The following NT5DC3 variants were observed in gnomAD, a reference collection of about 807,000 sequenced individuals.
NT5DC3 encodes the protein 5'-nucleotidase domain-containing protein 3.
A neutral mutation model predicts 67.8 loss-of-function variants in NT5DC3; 42 were observed. The ratio of observed to expected loss-of-function variants is 0.62; its 90% CI spans 0.48 to 0.80. The LOEUF (loss-of-function observed/expected upper bound fraction) is 0.80. NT5DC3 is among the 30% of genes least tolerant of loss of function. The pLI, the probability that NT5DC3 is intolerant of heterozygous loss-of-function variation, is 0.00. For synonymous variants in NT5DC3, 237 were observed against 255.6 expected (o/e 0.93, Z 0.69); for missense variants, 570 against 696.4 (o/e 0.82, Z 2.04).
At position 103,779,071 on chromosome 12, in the gene NT5DC3, A is replaced by G. The variant is rs191379656; in HGVS notation, c.1395-990T>C. 5.2e-3 allele frequency among the ~76,000 whole-genome samples: 789 copies of G among 152,340 alleles called. 5 individuals are homozygous for G. The highest frequency in any genetic ancestry group is 8.9e-3 in the Non-Finnish European group (607 of 68,032). ...TTTTACAAGGTTATTGTGAGAACTG[A>G]GTAAGGTAAGCAAAATAAAAGCATG... On this transcript the variant is annotated intron_variant, in intron 13 of 13. Transcript: ENST00000392876.
At chr12:103,783,138 A>C (rs948441458) in intron 12 of NT5DC3, among the ~76,000 whole-genome samples, 4 of 152,226 alleles carry the variant, frequency 2.6e-5, no homozygotes, top group Non-Finnish European at 5.9e-5. Context: ...AGTTCTAGAA[A>C]CATCTACCAC....
chr12:103,817,007 T>A (rs1593425464), intron 1 of NT5DC3, among the ~76,000 whole-genome samples: 1 of 133,676 alleles, frequency 7.5e-6, no homozygotes, highest in South Asian at 2.4e-4. Context: ...TGTTGAGAAA[T>A]CAGTTTTTCA....
Position 103,840,945 on chromosome 12 carries a change from T to C in NT5DC3, c.208+4A>G. On this transcript the variant is annotated splice_donor_region_variant and intron_variant, in intron 1 of 13. Transcript: ENST00000392876. ...CGCCGGGGCGGGGTCGCCGCCTCAC[T>C]CACCTTCTGTGCTTCTCTTCGCCTC... 1 of 1,359,610 alleles carries C rather than the reference T, an allele frequency of 7.4e-7. No homozygotes were observed. 84.2% of individuals were successfully genotyped at this position (1,359,610 alleles called of 1,614,324 possible). A position where few individuals can be genotyped will look rare whatever the true frequency, so the allele number is the denominator to read the frequency against.
At chr12:103,840,870 G>C (rs1347680548) in intron 1 of NT5DC3, 79 bp downstream of exon 1, 2 of 794,602 alleles carry the variant, frequency 2.5e-6, no homozygotes, top group African/African-American at 1.8e-5. Flanking sequence ...GGGCTGGTCC[G>C]GGTCCTAGGG....
chr12:103,784,174 T>G (rs1222129172), intron 12 of NT5DC3, among the ~76,000 whole-genome samples: 1 of 152,174 alleles, frequency 6.6e-6, no homozygotes, highest in Non-Finnish European at 1.5e-5. Flanking sequence ...TAACTATTAG[T>G]AGTGTATGAC....
chr12:103,790,216 C>T (rs1236242397), intron 9 of NT5DC3, among the ~76,000 whole-genome samples: 1 of 152,074 alleles, frequency 6.6e-6, no homozygotes, highest in Non-Finnish European at 1.5e-5. Context: ...GTGACACTCC[C>T]ACCTCAGTCT....
the NT5DC3 span, chr12:103,755,005 A>G: frequency 2.9e-6 from 1 of 346,350 alleles, no homozygotes; most frequent in Non-Finnish European, 5.3e-6. Flanking sequence ...TTAGCAGAAA[A>G]ATTTGCACCT....
chr12:103,780,223 C>G (rs1885491902), intron 13 of NT5DC3, 77 bp downstream of exon 13: 3 of 1,225,122 alleles, frequency 2.4e-6, no homozygotes, highest in East Asian at 4.6e-5. Flanking sequence ...CTCAGGCTGG[C>G]CCTGGGGAAC....
chr12:103,780,763 C>T (rs1176430204), intron 12 of NT5DC3, among the ~76,000 whole-genome samples: 2 of 152,094 alleles, frequency 1.3e-5, no homozygotes, highest in Non-Finnish European at 2.9e-5. Context: ...TGTACAAATA[C>T]TTAGTACATG....
At chr12:103,762,250 C>T in the NT5DC3 span, 3 of 1,612,276 alleles carry the variant, frequency 1.9e-6, no homozygotes, top group Non-Finnish European at 2.5e-6. Context: ...TAAGAATGGG[C>T]CCCTTTCCTT....
chr12:103,761,461 C>G, the NT5DC3 span: 72 of 1,518,158 alleles, frequency 4.7e-5, no homozygotes, highest in African/African-American at 9.5e-4. Flanking sequence ...CCGGTGCCCA[C>G]TCACCAACAG....
intron 5 of NT5DC3, among the ~76,000 whole-genome samples, chr12:103,798,020 T>C (rs906639882): frequency 1.3e-5 from 2 of 152,194 alleles, no homozygotes; most frequent in Non-Finnish European, 2.9e-5. Context: ...TTTTACACCA[T>C]TGTAAAGTCA....
Position 103,782,952 on chromosome 12 carries a change from C to T in NT5DC3, c.1329+2383G>A, listed in dbSNP as rs550108259. On this transcript the variant is annotated intron_variant, in intron 12 of 13. Transcript: ENST00000392876. Reference sequence around the variant, plus strand: ...AGTGAGCCAAGATCGCGCCACTGCACTCCAGCCTGGGCGACAGAGCAAGAC... The same window carrying T: ...AGTGAGCCAAGATCGCGCCACTGCATTCCAGCCTGGGCGACAGAGCAAGAC... 1.5e-4 allele frequency among the ~76,000 whole-genome samples: 23 copies of T among 152,306 alleles called. No individual in the cohort carries two copies. In the South Asian group the frequency reaches 4.8e-3, roughly 32 times the overall value.
chr12:103,836,106 T>C (rs888703685), intron 1 of NT5DC3, among the ~76,000 whole-genome samples: 1 of 152,056 alleles, frequency 6.6e-6, no homozygotes, highest in East Asian at 1.9e-4. Flanking sequence ...TCCCACAACA[T>C]GTGGGAAATC....
chr12:103,831,792 T>A (rs1401063014), intron 1 of NT5DC3, among the ~76,000 whole-genome samples: 1 of 131,462 alleles, frequency 7.6e-6, no homozygotes, highest in Admixed American at 7.8e-5. Flanking sequence ...TTTTTTTTTT[T>A]TGAGACAGAA....
chr12:103,753,260 C>T, the NT5DC3 span: 5 of 1,614,226 alleles, frequency 3.1e-6, no homozygotes, highest in East Asian at 1.1e-4. Flanking sequence ...CCCCACTGGG[C>T]CAGTATAAGC....
intron 12 of NT5DC3, among the ~76,000 whole-genome samples, chr12:103,783,632 T>A (rs11835188): frequency 0.067 from 10,139 of 152,186 alleles, 405 homozygotes; most frequent in Middle Eastern, 0.078. Context: ...GGGGCAGCTA[T>A]GTAAACCTCA....
intron 9 of NT5DC3, among the ~76,000 whole-genome samples, chr12:103,792,623 T>C (rs191858451): frequency 6.6e-6 from 1 of 152,272 alleles, no homozygotes; most frequent in Admixed American, 6.5e-5. Flanking sequence ...GCACACTCTG[T>C]CCCTGTCACA....
chr12:103,837,517 A>T (rs1053235398), intron 1 of NT5DC3, among the ~76,000 whole-genome samples: 1 of 152,212 alleles, frequency 6.6e-6, no homozygotes, highest in Non-Finnish European at 1.5e-5. Flanking sequence ...TTTAAAACTG[A>T]ATGCCTTTAA....
Sources: gnomAD v4.1 joint callset for allele counts (sites outside exome capture counted in the v4.1 genomes callset) on GRCh38, gnomAD v4.1.1 for gene constraint, MANE v1.5 for transcripts, NCBI Gene and HGNC (gene_info 2026-07-23, HGNC 2026-07-21) for gene names.